Variants in STRN observed in about 807,000 individuals in gnomAD.
STRN encodes striatin.
Under a neutral mutation model 96.3 loss-of-function variants are expected in STRN, and 53 were observed. That is an observed-to-expected ratio of 0.55 (90% CI 0.44 to 0.69). STRN has a LOEUF of 0.69. STRN is among the 30% of genes least tolerant of loss of function. STRN has a pLI of 0.00. For missense variants in STRN, 987 were observed against 963.9 expected (o/e 1.02, Z -0.32); for synonymous variants, 428 against 355.9 (o/e 1.20, Z -2.28).
chr2:36,959,157 A>C (rs1664968113), intron 1 of STRN, among the ~76,000 whole-genome samples: 2 of 152,168 alleles, frequency 1.3e-5, no homozygotes, highest in African/African-American at 4.8e-5. Context: ...CATCATAATG[A>C]AACTACATAA....
chr2:36,934,353 G>A (rs536488835), intron 1 of STRN, among the ~76,000 whole-genome samples: 8 of 152,174 alleles, frequency 5.3e-5, no homozygotes, highest in East Asian at 1.9e-4. Flanking sequence ...TAGAATATGC[G>A]TACATGTAAG....
rs1667931056 is a variant in STRN, at chr2:36,840,681, A to G, written c.*8775T>C. 1 of 152,202 alleles carries G rather than the reference A, an allele frequency of 6.6e-6. No homozygotes were observed. Among genetic ancestry groups the G allele is most frequent in the African/African-American group, 2.4e-5 (1 of 41,448 alleles). The allele number at this position is 152,202 out of a possible 1,614,324, so 9.4% of individuals were successfully genotyped here. On this transcript the variant is annotated 3_prime_UTR_variant, in exon 18 of 18. Transcript: ENST00000263918. Reference sequence around the variant, plus strand: ...GCACAGTGCTAAGAGGAACATAAGAAAAACGAACATGGTCTGTGCCTTAGG... The same window carrying G: ...GCACAGTGCTAAGAGGAACATAAGAGAAACGAACATGGTCTGTGCCTTAGG...
Position 36,849,642 on chromosome 2 carries a change from A to T in STRN, c.2174-17T>A, listed in dbSNP as rs2148122861. 1 of 1,612,098 alleles carries T rather than the reference A, an allele frequency of 6.2e-7. No individual in the cohort carries two copies. Among genetic ancestry groups the T allele is most frequent in the East Asian group, 2.2e-5 (1 of 44,866 alleles). ...AGTCATGACCTATATCCAAAAAAAA[A>T]ATTAAAAGGAAAAATTACATTAACA... On this transcript the variant is annotated splice_polypyrimidine_tract_variant and intron_variant, in intron 17 of 17. Coordinates refer to ENST00000263918, the MANE Select transcript of STRN (RefSeq NM_003162.4).
intron 9 of STRN, among the ~76,000 whole-genome samples, chr2:36,882,158 G>A (rs915037088): frequency 1.3e-5 from 2 of 151,650 alleles, no homozygotes; most frequent in Non-Finnish European, 2.9e-5. Context: ...AATCATATCA[G>A]TTTATGTCTC....
intron 1 of STRN, among the ~76,000 whole-genome samples, chr2:36,934,332 A>T (rs1370059651): frequency 6.6e-6 from 1 of 152,196 alleles, no homozygotes; most frequent in Non-Finnish European, 1.5e-5. Context: ...GTTGAAAAGG[A>T]TATTAACTTG....
chr2:36,858,410 C>G (rs1289110066), intron 13 of STRN, among the ~76,000 whole-genome samples: 1 of 152,178 alleles, frequency 6.6e-6, no homozygotes, highest in Non-Finnish European at 1.5e-5. Flanking sequence ...GGTCCTCTCC[C>G]TCTCTGAAGT....
At chr2:36,916,056 A>G (rs1210481973) in intron 3 of STRN, 22 bp downstream of exon 3, 5 of 1,594,872 alleles carry the variant, frequency 3.1e-6, no homozygotes, top group Non-Finnish European at 3.4e-6. Flanking sequence ...TAACACTTAA[A>G]CTTCCATTAA....
chr2:36,900,855 T>C (rs1669663494), intron 5 of STRN, among the ~76,000 whole-genome samples: 1 of 152,110 alleles, frequency 6.6e-6, no homozygotes, highest in Non-Finnish European at 1.5e-5. Context: ...ATCGTGCCAC[T>C]GCACTCCAGC....
At chr2:36,868,611 A>G (rs1668687162) in intron 11 of STRN, among the ~76,000 whole-genome samples, 2 of 152,206 alleles carry the variant, frequency 1.3e-5, no homozygotes, top group Admixed American at 1.3e-4. Context: ...TCTCTTCTGA[A>G]AACACCTAAT....
At chr2:36,928,727 G>A (rs1359640426) in intron 1 of STRN, among the ~76,000 whole-genome samples, 8 of 150,518 alleles carry the variant, frequency 5.3e-5, no homozygotes, top group African/African-American at 1.7e-4. Context: ...GGTGGATCAC[G>A]AGGTCAGGAG....
intron 7 of STRN, among the ~76,000 whole-genome samples, chr2:36,892,170 C>G (rs1035405490): frequency 2.0e-5 from 3 of 151,958 alleles, no homozygotes; most frequent in Non-Finnish European, 4.4e-5. Flanking sequence ...AACAGAAAAC[C>G]AAATACTACA....
intron 10 of STRN, among the ~76,000 whole-genome samples, chr2:36,877,183 C>T (rs1440135535): frequency 2.6e-5 from 4 of 152,162 alleles, no homozygotes; most frequent in African/African-American, 4.8e-5. Flanking sequence ...TACATCCATG[C>T]CTACTACTAA....
At chr2:36,879,350 G>A (rs773579304) in intron 9 of STRN, among the ~76,000 whole-genome samples, 39 of 152,236 alleles carry the variant, frequency 2.6e-4, no homozygotes, top group African/African-American at 8.7e-4. Flanking sequence ...GGATACAGGC[G>A]TGAGCCACCA....
chr2:36,906,757 A>G (rs1460970875), intron 3 of STRN, among the ~76,000 whole-genome samples: 4 of 151,882 alleles, frequency 2.6e-5, no homozygotes, highest in African/African-American at 4.8e-5. Context: ...AAAAAACCCC[A>G]TATCTACTAA....
At chr2:36,884,987 T>TAGTC (rs1669182256) in intron 8 of STRN, among the ~76,000 whole-genome samples, 2 of 152,300 alleles carry the variant, frequency 1.3e-5, no homozygotes, top group South Asian at 4.1e-4. Context: ...CTGAAATGTG[T>TAGTC]AGTCCCTCTC....
At chr2:36,914,837 A>C (rs1218766382) in intron 3 of STRN, among the ~76,000 whole-genome samples, 1 of 152,188 alleles carries the variant, frequency 6.6e-6, no homozygotes, top group East Asian at 1.9e-4. Context: ...AATTTCACAT[A>C]TGTAAAATCC....
chr2:36,960,152 G>A (rs1366497932), intron 1 of STRN, among the ~76,000 whole-genome samples: 1 of 152,172 alleles, frequency 6.6e-6, no homozygotes, highest in Non-Finnish European at 1.5e-5. Flanking sequence ...CAAATAAAAT[G>A]TAGGATTCAT....
In STRN at chr2:36,840,848, A is replaced by G. The variant is rs1172092620; in HGVS notation, c.*8608T>C. The stretch of plus-strand genomic sequence containing the variant: ...AAAAAAATCTCATTACCTGCTCCTC[A>G]TGCCTCAAAAAAAATCCAGAAGATT... On this transcript the variant is annotated 3_prime_UTR_variant, in exon 18 of 18. Coordinates refer to ENST00000263918, the MANE Select transcript of STRN (RefSeq NM_003162.4). 6.6e-6 allele frequency: 1 copy of G among 152,194 alleles called. No homozygotes were observed. The highest frequency in any genetic ancestry group is 1.5e-5 in the Non-Finnish European group (1 of 68,022). The allele number at this position is 152,194 out of a possible 1,614,324, so 9.4% of individuals were successfully genotyped here.
chr2:36,919,283 G>A (rs1034481539), intron 2 of STRN, among the ~76,000 whole-genome samples: 11 of 152,054 alleles, frequency 7.2e-5, no homozygotes, highest in Non-Finnish European at 7.4e-5. Flanking sequence ...GAGCTATAAG[G>A]GCTACTAGCA....
Sources: allele counts gnomAD v4.1 joint callset (sites outside exome capture counted in the v4.1 genomes callset), GRCh38; gene constraint gnomAD v4.1.1; transcripts MANE v1.5; gene names NCBI Gene and HGNC (gene_info 2026-07-23, HGNC 2026-07-21).